Variants in FAM162A observed in about 807,000 individuals in gnomAD.
FAM162A encodes the protein family with sequence similarity 162 member A.
A neutral mutation model predicts 21.8 loss-of-function variants in FAM162A; 23 were observed. The ratio of observed to expected loss-of-function variants is 1.05; its 90% confidence interval spans 0.76 to 1.49. FAM162A has a LOEUF of 1.49. Ranked by LOEUF, FAM162A falls within the 40% of genes most tolerant of loss-of-function variation. FAM162A has a pLI of 0.00. For missense variants in FAM162A, 165 were observed against 186.4 expected (o/e 0.89, Z 0.67); for synonymous variants, 53 against 61.3 (o/e 0.86, Z 0.64).
intron 4 of FAM162A, 139 bp downstream of exon 4, chr3:122,407,528 A>C: frequency 1.7e-6 from 1 of 603,810 alleles, no homozygotes; most frequent in Non-Finnish European, 2.9e-6. Context: ...TAAGCAAAAA[A>C]ATAAGACATA....
intron 3 of FAM162A, among the ~76,000 whole-genome samples, chr3:122,406,925 A>T (rs1339059615): frequency 6.6e-6 from 1 of 152,176 alleles, no homozygotes; most frequent in African/African-American, 2.4e-5. Context: ...TCTAGCATTT[A>T]TAGGCTGCTT....
chr3:122,397,319 C>T (rs1021218699), intron 1 of FAM162A, among the ~76,000 whole-genome samples: 26 of 152,154 alleles, frequency 1.7e-4, no homozygotes, highest in African/African-American at 5.8e-4. Context: ...CCTCCCCTTA[C>T]TGCTCCAAAC....
intron 4 of FAM162A, 166 bp downstream of exon 4, chr3:122,407,555 A>G (rs1042324447): frequency 5.6e-6 from 3 of 537,330 alleles, no homozygotes; most frequent in Non-Finnish European, 1.0e-5. Flanking sequence ...ACAAGCCTGG[A>G]ATATCATCCT....
chr3:122,387,491 A>G (rs2075580133), intron 1 of FAM162A, among the ~76,000 whole-genome samples: 1 of 152,234 alleles, frequency 6.6e-6, no homozygotes, highest in Non-Finnish European at 1.5e-5. Context: ...CCAAGAAGGG[A>G]ATCAGCTTGC....
At chr3:122,404,000 C>T (rs537173840) in intron 2 of FAM162A, among the ~76,000 whole-genome samples, 1 of 152,330 alleles carries the variant, frequency 6.6e-6, no homozygotes, top group South Asian at 2.1e-4. Context: ...CTGGTAAAAT[C>T]TGATTGTACC....
At chr3:122,405,498 G>A (rs1340840542) in intron 3 of FAM162A, among the ~76,000 whole-genome samples, 4 of 152,168 alleles carry the variant, frequency 2.6e-5, no homozygotes, top group Non-Finnish European at 4.4e-5. Context: ...AGAGAATACT[G>A]GAAATAACAG....
chr3:122,387,674 C>T (rs1030972391), intron 1 of FAM162A, among the ~76,000 whole-genome samples: 1 of 152,138 alleles, frequency 6.6e-6, no homozygotes, highest in African/African-American at 2.4e-5. Flanking sequence ...ACTTATTGCT[C>T]CTTTCCAGGT....
intron 1 of FAM162A, among the ~76,000 whole-genome samples, chr3:122,399,525 T>C (rs1346472090): frequency 6.6e-6 from 1 of 152,194 alleles, no homozygotes; most frequent in African/African-American, 2.4e-5. Context: ...TTATCCAGTC[T>C]GCCATTGATG....
At chr3:122,407,232 G>A in intron 3 of FAM162A, 49 bp from the exon 4 acceptor site, 1 of 1,530,844 alleles carries the variant, frequency 6.5e-7, no homozygotes, top group Non-Finnish European at 9.0e-7. Flanking sequence ...AGCAACTTCA[G>A]AAAGGGAAAA....
chr3:122,407,358 G>T lies in FAM162A; in HGVS notation c.341G>T (p.Gly114Val), dbSNP rs2075681369. 5 of 1,614,020 alleles carry T rather than the reference G, an allele frequency of 3.1e-6. No individual in the cohort carries two copies. Among genetic ancestry groups the T allele is most frequent in the Non-Finnish European group, 4.2e-6 (5 of 1,179,950 alleles). Residue 114 changes from glycine (G) to valine (V), a missense_variant, in exon 4 of 5, where the codon GGA (glycine) becomes GTA (valine). Physicochemically the swap from Gly to Val is moderately radical, Grantham distance 109 (BLOSUM62 -3). Coordinates refer to ENST00000477892, the MANE Select transcript of FAM162A (RefSeq NM_014367.4). The part of the protein sequence containing the change: ...SYLMIALTVV[G>V]CIFMVIEGKK... ...CTAATGATTGCCCTGACGGTGGTAGGATGCATCTTCATGGTTATTGAGGGC... is the reference window on the plus strand; with the variant it reads ...CTAATGATTGCCCTGACGGTGGTAGTATGCATCTTCATGGTTATTGAGGGC...
At chr3:122,393,465 C>G (rs1021892920) in intron 1 of FAM162A, among the ~76,000 whole-genome samples, 1 of 152,144 alleles carries the variant, frequency 6.6e-6, no homozygotes. Context: ...AACAGCCTCA[C>G]AAATCACAGT....
rs1404836392 is a variant in FAM162A, at chr3:122,402,811, C to T, written c.86C>T (p.Thr29Ile). 6.2e-7 allele frequency: 1 copy of T among 1,603,486 alleles called. No homozygotes were observed. Among genetic ancestry groups the T allele is most frequent in the Non-Finnish European group, 8.5e-7 (1 of 1,175,356 alleles). Residue 29 changes from threonine (T) to isoleucine (I), a missense_variant, in exon 2 of 5, where the codon ACC becomes ATC. Thr to Ile is a moderately conservative substitution (Grantham distance 89). Transcript: ENST00000477892. Reference sequence around the variant, plus strand: ...GATGTTTCCTCATCTCTAAGGCTTACCAGAAGCTCTGATTTGAAGAGAATA... The same window carrying T: ...GATGTTTCCTCATCTCTAAGGCTTATCAGAAGCTCTGATTTGAAGAGAATA... ...ERDVSSSLRL[T>I]RSSDLKRING...
At chr3:122,401,042 T>G (rs1327866319) in intron 1 of FAM162A, among the ~76,000 whole-genome samples, 1 of 152,226 alleles carries the variant, frequency 6.6e-6, no homozygotes, top group Admixed American at 6.5e-5. Context: ...ATCCTAATAT[T>G]TGCCAGCAAG....
chr3:122,406,344 C>A (rs774498346), intron 3 of FAM162A, among the ~76,000 whole-genome samples: 2 of 152,190 alleles, frequency 1.3e-5, no homozygotes, highest in African/African-American at 2.4e-5. Flanking sequence ...GCAGGAGGAT[C>A]GCTTCAGTCT....
At chr3:122,399,348 C>G (rs759369470) in intron 1 of FAM162A, among the ~76,000 whole-genome samples, 7 of 151,628 alleles carry the variant, frequency 4.6e-5, no homozygotes, top group Non-Finnish European at 8.8e-5. Context: ...TTTTTTGAGA[C>G]ACAGTCTCAC....
rs2107703053 is a variant in FAM162A, at chr3:122,411,363, G to C, written c.*1532G>C. On this transcript the variant is annotated 3_prime_UTR_variant, in exon 5 of 5. Coordinates refer to ENST00000477892, the MANE Select transcript of FAM162A (RefSeq NM_014367.4). ...TGCAAATTTATTTTCAAAAAGCATAGTTTCTTGTACATTTTAGAAGATTAG... is the reference window on the plus strand; with the variant it reads ...TGCAAATTTATTTTCAAAAAGCATACTTTCTTGTACATTTTAGAAGATTAG... 6.6e-6 allele frequency: 1 copy of C among 152,240 alleles called. No homozygotes were observed. Among genetic ancestry groups the C allele is most frequent in the South Asian group, 2.1e-4 (1 of 4,826 alleles). 9.4% of individuals were successfully genotyped at this position (152,240 alleles called of 1,614,324 possible). A position where few individuals can be genotyped will look rare whatever the true frequency, so the allele number is the denominator to read the frequency against.
chr3:122,402,072 A>C (rs912645760), intron 1 of FAM162A, among the ~76,000 whole-genome samples: 6 of 152,046 alleles, frequency 3.9e-5, no homozygotes, highest in Non-Finnish European at 5.9e-5. Context: ...TATGTCCAGA[A>C]TGGTATTGCC....
intron 1 of FAM162A, among the ~76,000 whole-genome samples, chr3:122,394,226 C>A (rs959664460): frequency 3.3e-5 from 5 of 152,118 alleles, no homozygotes; most frequent in African/African-American, 1.2e-4. Context: ...CCCCCATGAT[C>A]CACTCACTTC....
intron 1 of FAM162A, among the ~76,000 whole-genome samples, chr3:122,397,673 C>T (rs997657999): frequency 2.0e-5 from 3 of 152,152 alleles, no homozygotes; most frequent in Non-Finnish European, 4.4e-5. Context: ...TTTTCTCCCA[C>T]CTGATCAAAA....
Sources: gnomAD v4.1 joint callset for allele counts (sites outside exome capture counted in the v4.1 genomes callset) on GRCh38, gnomAD v4.1.1 for gene constraint, MANE v1.5 for transcripts, NCBI Gene and HGNC (gene_info 2026-07-23, HGNC 2026-07-21) for gene names.